FHIT: variants seen among roughly 807,000 people sequenced by gnomAD.
The protein encoded by FHIT is bis(5'-adenosyl)-triphosphatase.
Under a neutral mutation model 17.9 loss-of-function variants are expected in FHIT, and 19 were observed. That is an observed-to-expected ratio of 1.06 (90% CI 0.74 to 1.56). FHIT has a LOEUF of 1.56. Among genes scored for constraint, FHIT ranks in the 40% most tolerant of loss-of-function variants. The pLI is 0.00. For missense variants in FHIT, 248 were observed against 189.2 expected (o/e 1.31, Z -1.82); for synonymous variants, 81 against 69.7 (o/e 1.16, Z -0.81).
chr3:60,961,840 T>C (rs1709463992), intron 3 of FHIT, among the ~76,000 whole-genome samples: 1 of 152,204 alleles, frequency 6.6e-6, no homozygotes, highest in South Asian at 2.1e-4. Flanking sequence ...AGCCTTGTAG[T>C]ATAGTTTGAA....
At chr3:60,138,065 G>C (rs1195256272) in intron 5 of FHIT, among the ~76,000 whole-genome samples, 1 of 152,162 alleles carries the variant, frequency 6.6e-6, no homozygotes, top group East Asian at 1.9e-4. Flanking sequence ...TTAAAGATGA[G>C]AAGACTGAAG....
intron 2 of FHIT, among the ~76,000 whole-genome samples, chr3:61,050,393 A>G (rs980887513): frequency 2.6e-5 from 4 of 152,174 alleles, no homozygotes; most frequent in African/African-American, 9.7e-5. Context: ...ATTCAATGCA[A>G]TGTGTGAATC....
intron 4 of FHIT, among the ~76,000 whole-genome samples, chr3:60,620,236 G>A (rs533993687): frequency 8.6e-5 from 13 of 151,998 alleles, no homozygotes; most frequent in Non-Finnish European, 1.9e-4. Flanking sequence ...CAGAAGACCC[G>A]CAATATTTTA....
intron 4 of FHIT, among the ~76,000 whole-genome samples, chr3:60,655,393 C>A (rs2040091138): frequency 1.3e-5 from 2 of 152,150 alleles, no homozygotes; most frequent in Non-Finnish European, 2.9e-5. Flanking sequence ...AACAACAACG[C>A]ATAATTGAGC....
chr3:60,270,932 G>T (rs553246776), intron 5 of FHIT, among the ~76,000 whole-genome samples: 1 of 152,296 alleles, frequency 6.6e-6, no homozygotes, highest in African/African-American at 2.4e-5. Context: ...GGCATTAAAA[G>T]ACAACTTTCA....
intron 4 of FHIT, among the ~76,000 whole-genome samples, chr3:60,639,082 T>C (rs2682940): frequency 0.92 from 133,045 of 144,462 alleles, 61,294 homozygotes; most frequent in East Asian, 0.98. Context: ...CTAGATGATG[T>C]AGGCAAAGAA....
chr3:60,548,700 G>C (rs908675600), intron 4 of FHIT, among the ~76,000 whole-genome samples: 10 of 152,184 alleles, frequency 6.6e-5, no homozygotes, highest in African/African-American at 2.4e-4. Context: ...CCCCAGCCTA[G>C]ATGTAATGCA....
At chr3:60,772,652 A>C (rs9842721) in intron 4 of FHIT, among the ~76,000 whole-genome samples, 25,510 of 152,040 alleles carry the variant, frequency 0.17, 3,282 homozygotes, top group African/African-American at 0.37. Flanking sequence ...TGAGGGACCA[A>C]CTGAGGGAAG....
chr3:59,814,045 T>TACACATACAC (rs1553685376), intron 8 of FHIT, among the ~76,000 whole-genome samples: 1 of 146,772 alleles, frequency 6.8e-6, no homozygotes, highest in East Asian at 2.0e-4. Flanking sequence ...AATTTACACA[T>TACACATACAC]ACACACACAC....
intron 5 of FHIT, among the ~76,000 whole-genome samples, chr3:60,486,157 G>C (rs2033830884): frequency 2.0e-5 from 3 of 151,982 alleles, no homozygotes; most frequent in African/African-American, 7.2e-5. Flanking sequence ...TCCTCAATTT[G>C]ATAGAGGATA....
chr3:60,572,045 A>T (rs912908636), intron 4 of FHIT, among the ~76,000 whole-genome samples: 1 of 151,622 alleles, frequency 6.6e-6, no homozygotes, highest in African/African-American at 2.4e-5. Context: ...GGGGGGGAAG[A>T]TTTAACAGGC....
intron 4 of FHIT, among the ~76,000 whole-genome samples, chr3:60,591,205 C>T (rs2038073237): frequency 6.6e-6 from 1 of 152,072 alleles, no homozygotes; most frequent in South Asian, 2.1e-4. Flanking sequence ...TTTTCACCAA[C>T]TCTGAAAAAC....
chr3:60,183,068 CT>C (rs1412079383), intron 5 of FHIT, among the ~76,000 whole-genome samples: 1 of 152,084 alleles, frequency 6.6e-6, no homozygotes, highest in African/African-American at 2.4e-5. Context: ...AAAGTATCAC[CT>C]TCAATTCAAA....
At chr3:61,142,122 A>AT (rs200645377) in intron 2 of FHIT, among the ~76,000 whole-genome samples, 2,448 of 149,694 alleles carry the variant, frequency 0.016, 91 homozygotes, top group Non-Finnish European at 0.021. Flanking sequence ...CTTAAAAAAA[A>AT]TTTTTTTTTT....
At chr3:60,931,707 G>T (rs1707966006) in intron 3 of FHIT, among the ~76,000 whole-genome samples, 1 of 152,162 alleles carries the variant, frequency 6.6e-6, no homozygotes, top group African/African-American at 2.4e-5. Flanking sequence ...TGTTTTTTCA[G>T]GTTTATCTCT....
At chr3:60,826,688 A>G (rs1460077584) in intron 3 of FHIT, among the ~76,000 whole-genome samples, 1 of 152,186 alleles carries the variant, frequency 6.6e-6, no homozygotes, top group Non-Finnish European at 1.5e-5. Flanking sequence ...TGGAATGACA[A>G]GGAGCTCTCT....
At chr3:59,782,534 C>A (rs1224020983) in intron 8 of FHIT, among the ~76,000 whole-genome samples, 1 of 152,136 alleles carries the variant, frequency 6.6e-6, no homozygotes, top group Non-Finnish European at 1.5e-5. Context: ...CACCTCAGCC[C>A]CGCTCTCTCA....
At chr3:60,827,619 T>C (rs1261080900) in intron 3 of FHIT, among the ~76,000 whole-genome samples, 1 of 152,236 alleles carries the variant, frequency 6.6e-6, no homozygotes, top group East Asian at 1.9e-4. Context: ...CTTATAATAA[T>C]GTGGCTGCTC....
At chr3:60,835,242 G>A (rs1411891823) in intron 3 of FHIT, among the ~76,000 whole-genome samples, 3 of 66,162 alleles carry the variant, frequency 4.5e-5, no homozygotes, top group Non-Finnish European at 5.9e-5. Flanking sequence ...TTAGAATAAT[G>A]TCATCTATAT....
Sources: allele counts gnomAD v4.1 joint callset (sites outside exome capture counted in the v4.1 genomes callset), GRCh38; gene constraint gnomAD v4.1.1; transcripts MANE v1.5; gene names NCBI Gene and HGNC (gene_info 2026-07-23, HGNC 2026-07-21).